The following CD48 variants were observed in gnomAD, a reference collection of about 807,000 sequenced individuals.
CD48 encodes CD48 antigen.
In CD48, 20 loss-of-function variants were observed where a neutral mutation model predicts 22.0. The observed-to-expected ratio is 0.91, with a 90% CI of 0.64 to 1.32. The LOEUF (loss-of-function observed/expected upper bound fraction) is 1.32, where lower values mean the gene tolerates loss of function less well. CD48 is among the 40% of genes most tolerant of loss of function. The probability of loss-of-function intolerance (pLI) is 0.00; values close to 1 mark genes in which losing one functional copy is unlikely to be tolerated. For synonymous variants in CD48, 110 were observed against 110.1 expected, an observed-to-expected ratio of 1.00 and a Z score of 0.01; for missense variants, 307 against 286.5, an observed-to-expected ratio of 1.07 and a Z score of -0.52.
At chr1:160,701,129 T>C (rs1261120265) in intron 1 of CD48, among the ~76,000 whole-genome samples, 2 of 151,754 alleles carry the variant, frequency 1.3e-5, no homozygotes, top group Non-Finnish European at 2.9e-5. Flanking sequence ...TGATAGATGG[T>C]ACAGTAAAAG....
Position 160,706,932 on chromosome 1 carries a change from C to T in CD48, c.82+4750G>A, listed in dbSNP as rs139142276. Among the ~76,000 whole-genome samples the T allele has an allele frequency of 6.6e-5, 10 of 152,214 alleles. No homozygotes were observed. In the East Asian group the frequency reaches 1.9e-3, roughly 29 times the overall value. The stretch of plus-strand genomic sequence containing the variant: ...ACATGGTTGGCTTCTTTGGTTTCCT[C>T]ATATATTGAGAAAAATAAAAATAAT... On this transcript the variant is annotated intron_variant, in intron 1 of 3. Coordinates refer to ENST00000368046, the MANE Select transcript of CD48 (RefSeq NM_001778.4).
chr1:160,681,755 G>A (rs1661813186), intron 2 of CD48, among the ~76,000 whole-genome samples: 1 of 152,192 alleles, frequency 6.6e-6, no homozygotes, highest in Non-Finnish European at 1.5e-5. Flanking sequence ...GATCGTGTGT[G>A]AGCCTGAACG....
intron 1 of CD48, among the ~76,000 whole-genome samples, chr1:160,690,805 G>A (rs1037767816): frequency 1.3e-5 from 2 of 152,104 alleles, no homozygotes; most frequent in Middle Eastern, 3.2e-3. Context: ...AGCAAGAGAG[G>A]TCAGATTGTT....
chr1:160,678,954 TG>T lies in CD48; in HGVS notation c.*97del. On this transcript the variant is annotated 3_prime_UTR_variant, in exon 4 of 4. Transcript: ENST00000368046. ...CGTTGATAATTCAGCAGCATGCTTC[TG>T]GTCAGCCTATACAGTCTCTGTCCTG... 1.2e-6 allele frequency: 1 copy of T among 812,458 alleles called. No individual in the cohort carries two copies. Among genetic ancestry groups the T allele is most frequent in the Non-Finnish European group, 2.1e-6 (1 of 472,400 alleles). 50.3% of individuals were successfully genotyped at this position (812,458 alleles called of 1,614,324 possible). A position where few individuals can be genotyped will look rare whatever the true frequency, so the allele number is the denominator to read the frequency against.
intron 1 of CD48, among the ~76,000 whole-genome samples, chr1:160,709,673 AG>A (rs952499091): frequency 2.0e-5 from 3 of 152,190 alleles, no homozygotes; most frequent in Non-Finnish European, 4.4e-5. Context: ...TGCTTCTCAA[AG>A]TTTTCCACAG....
At chr1:160,682,798 C>T (rs560142558) in intron 2 of CD48, among the ~76,000 whole-genome samples, 6 of 152,298 alleles carry the variant, frequency 3.9e-5, no homozygotes, top group African/African-American at 1.2e-4. Flanking sequence ...GTACTGCTGC[C>T]GGAGAGAATG....
chr1:160,682,942 G>T lies in CD48; in HGVS notation c.386-1474C>A, dbSNP rs573519356. Among the ~76,000 whole-genome samples the T allele has an allele frequency of 6.6e-5, 10 of 152,246 alleles. No homozygotes were observed. The East Asian group carries it at 1.9e-3, about 29-fold the overall frequency. On this transcript the variant is annotated intron_variant, in intron 2 of 3. Transcript: ENST00000368046. The stretch of plus-strand genomic sequence containing the variant: ...CTCAAATCCCATAAGATTAAAAATT[G>T]GCAGAGAATTGACCAGATCAGAGCT...
chr1:160,702,625 T>C (rs1015192514), intron 1 of CD48, among the ~76,000 whole-genome samples: 1 of 152,066 alleles, frequency 6.6e-6, no homozygotes, highest in Non-Finnish European at 1.5e-5. Flanking sequence ...CGCTTGTAAG[T>C]TTTTAACAGT....
chr1:160,680,572 G>A, intron 3 of CD48: 1 of 998,298 alleles, frequency 1.0e-6, no homozygotes, highest in Non-Finnish European at 1.2e-6. Context: ...GCTAGCACCA[G>A]TGTAGGCCTG....
rs1047192426 is a variant in CD48, at chr1:160,679,148, A to C, written c.653-17T>G. ...AGGACCGGGCTGAAAGAGCAAGAAA[A>C]CCCTATATGCTTAGGTATCTTTATC... On this transcript the variant is annotated splice_polypyrimidine_tract_variant and intron_variant, in intron 3 of 3. Transcript: ENST00000368046. 3 of 1,608,468 alleles carry C rather than the reference A, an allele frequency of 1.9e-6. No individual in the cohort carries two copies. The highest frequency in any genetic ancestry group is 2.6e-6 in the Non-Finnish European group (3 of 1,174,824).
chr1:160,680,084 G>A (rs1661738881), intron 3 of CD48, among the ~76,000 whole-genome samples: 1 of 152,190 alleles, frequency 6.6e-6, no homozygotes, highest in African/African-American at 2.4e-5. Flanking sequence ...CAGTTAAGGA[G>A]GGTAGACAGA....
At chr1:160,684,736 A>G in intron 2 of CD48, 151 bp downstream of exon 2, 2 of 1,585,240 alleles carry the variant, frequency 1.3e-6, no homozygotes, top group East Asian at 2.3e-5. Context: ...TCACTCCCAA[A>G]TAGAATTGGA....
At chr1:160,709,772 T>C (rs557454225) in intron 1 of CD48, among the ~76,000 whole-genome samples, 6 of 152,320 alleles carry the variant, frequency 3.9e-5, no homozygotes, top group East Asian at 1.9e-4. Context: ...TTTGAAGTTG[T>C]TCATTCATTT....
At chr1:160,699,978 G>A (rs1487388100) in intron 1 of CD48, among the ~76,000 whole-genome samples, 2 of 152,074 alleles carry the variant, frequency 1.3e-5, no homozygotes, top group East Asian at 1.9e-4. Context: ...CACCTTATGA[G>A]AAACACCCAC....
intron 1 of CD48, among the ~76,000 whole-genome samples, chr1:160,701,184 AT>A (rs1324962190): frequency 1.7e-5 from 2 of 119,278 alleles, no homozygotes; most frequent in African/African-American, 3.1e-5. Context: ...ATAAAAAAAA[AT>A]CTTTAAGATC....
At chr1:160,702,663 G>A (rs1402213915) in intron 1 of CD48, among the ~76,000 whole-genome samples, 1 of 152,050 alleles carries the variant, frequency 6.6e-6, no homozygotes, top group Admixed American at 6.6e-5. Context: ...GACCAAGTTG[G>A]CCACAATTAT....
rs1661959802 is a variant in CD48 at position 160,685,263 on chromosome 1, G to A, written c.83-74C>T. The A allele has an allele frequency of 3.4e-6, 4 of 1,160,210 alleles. No individual in the cohort carries two copies. In the Admixed American group the frequency reaches 9.5e-5, roughly 28 times the overall value. 71.9% of individuals were successfully genotyped at this position (1,160,210 alleles called of 1,614,324 possible). A position where few individuals can be genotyped will look rare whatever the true frequency, so the allele number is the denominator to read the frequency against. On this transcript the variant is annotated intron_variant, in intron 1 of 3. Coordinates refer to ENST00000368046, the MANE Select transcript of CD48 (RefSeq NM_001778.4). The stretch of plus-strand genomic sequence containing the variant: ...CTGACAGGCCCAGGGTATAGCCTGG[G>A]CTGGTGGAACAGGTGAGAAGGAAGG...
At chr1:160,684,567 A>G in intron 2 of CD48, 1 of 646,660 alleles carries the variant, frequency 1.5e-6, no homozygotes, top group Middle Eastern at 3.3e-4. Context: ...CGGAGATATA[A>G]TCAAGATGAG....
At chr1:160,702,729 C>T (rs1223181210) in intron 1 of CD48, among the ~76,000 whole-genome samples, 4 of 152,056 alleles carry the variant, frequency 2.6e-5, no homozygotes, top group Non-Finnish European at 4.4e-5. Context: ...CCTTCATGGC[C>T]GGTGCCCACA....
Sources: gnomAD v4.1 joint callset for allele counts (sites outside exome capture counted in the v4.1 genomes callset) on GRCh38, gnomAD v4.1.1 for gene constraint, MANE v1.5 for transcripts, NCBI Gene and HGNC (gene_info 2026-07-23, HGNC 2026-07-21) for gene names.